Variants in ARHGEF38 observed in about 807,000 individuals in gnomAD.
ARHGEF38 encodes the protein Rho guanine nucleotide exchange factor 38, also known as Rho guanine nucleotide exchange factor (GEF) 38.
Under a neutral mutation model 79.9 loss-of-function variants are expected in ARHGEF38, and 79 were observed. The ratio of observed to expected loss-of-function variants is 0.99; its 90% CI spans 0.82 to 1.19. ARHGEF38 has a LOEUF of 1.19. ARHGEF38 is among the 50% of genes most tolerant of loss of function. The probability of loss-of-function intolerance (pLI) is 0.00; values close to 1 mark genes in which losing one functional copy is unlikely to be tolerated. For synonymous variants in ARHGEF38, 366 were observed against 328.3 expected (o/e 1.11, Z -1.24); for missense variants, 962 against 907.2 (o/e 1.06, Z -0.78).
At chr4:105,576,061 A>C (rs1381530277) in intron 1 of ARHGEF38, among the ~76,000 whole-genome samples, 2 of 152,168 alleles carry the variant, frequency 1.3e-5, no homozygotes, top group Non-Finnish European at 1.5e-5. Flanking sequence ...CTTGTAGTAT[A>C]ACTTAAAGTC....
chr4:105,657,828 T>A (rs1198252164), intron 9 of ARHGEF38, among the ~76,000 whole-genome samples: 7 of 152,146 alleles, frequency 4.6e-5, no homozygotes, highest in Non-Finnish European at 1.0e-4. Context: ...TTCCCATGAG[T>A]TCAGACCAAC....
intron 5 of ARHGEF38, 55 bp downstream of exon 5, chr4:105,636,475 G>C (rs1560737450): frequency 3.2e-6 from 1 of 314,080 alleles, no homozygotes; most frequent in South Asian, 6.9e-5. Flanking sequence ...AGAAAATGCA[G>C]CTGACTGTTC....
intron 1 of ARHGEF38, among the ~76,000 whole-genome samples, chr4:105,574,868 T>C (rs1373127359): frequency 6.6e-6 from 1 of 152,046 alleles, no homozygotes; most frequent in Admixed American, 6.6e-5. Flanking sequence ...GTATCCCATA[T>C]AGAATAATGG....
intron 2 of ARHGEF38, among the ~76,000 whole-genome samples, chr4:105,597,853 A>G (rs1727650826): frequency 6.6e-6 from 1 of 152,116 alleles, no homozygotes; most frequent in Non-Finnish European, 1.5e-5. Flanking sequence ...GTTAATTCAA[A>G]ATAAGAACTT....
At chr4:105,568,905 TG>T (rs1417299130) in intron 1 of ARHGEF38, among the ~76,000 whole-genome samples, 1 of 152,220 alleles carries the variant, frequency 6.6e-6, no homozygotes. Flanking sequence ...GGGCAAGTGC[TG>T]TTAAGTAAGG....
intron 9 of ARHGEF38, among the ~76,000 whole-genome samples, chr4:105,657,062 T>C (rs1406212613): frequency 6.6e-6 from 1 of 152,114 alleles, no homozygotes; most frequent in Non-Finnish European, 1.5e-5. Context: ...GATAGATAGA[T>C]AGATAGATAG....
intron 1 of ARHGEF38, among the ~76,000 whole-genome samples, chr4:105,565,407 C>T (rs1025619076): frequency 3.3e-5 from 5 of 152,136 alleles, no homozygotes; most frequent in Non-Finnish European, 2.9e-5. Flanking sequence ...CTGTGTGAAA[C>T]GTATGTTGGT....
At chr4:105,662,606 C>T (rs1402269767) in intron 10 of ARHGEF38, among the ~76,000 whole-genome samples, 7 of 151,954 alleles carry the variant, frequency 4.6e-5, no homozygotes, top group Non-Finnish European at 8.8e-5. Context: ...TTAATTTTAT[C>T]TTTTTCCAAA....
Position 105,613,374 on chromosome 4 carries a change from G to A in ARHGEF38, c.385-10G>A, listed in dbSNP as rs56665838. On this transcript the variant is annotated splice_polypyrimidine_tract_variant and intron_variant, in intron 2 of 13. Coordinates refer to ENST00000420470, the MANE Select transcript of ARHGEF38 (RefSeq NM_001242729.2). Reference sequence around the variant, plus strand: ...CTTCTCCATCAGCTCAATGTTTTTTGTTTCTTCAGACTGATAGGCTGGATG... The same window carrying A: ...CTTCTCCATCAGCTCAATGTTTTTTATTTCTTCAGACTGATAGGCTGGATG... 2 of 1,609,368 alleles carry A rather than the reference G, an allele frequency of 1.2e-6. No individual in the cohort carries two copies. The highest frequency in any genetic ancestry group is 1.7e-5 in the Admixed American group (1 of 59,368).
At chr4:105,569,230 G>A (rs192285679) in intron 1 of ARHGEF38, among the ~76,000 whole-genome samples, 30 of 152,262 alleles carry the variant, frequency 2.0e-4, no homozygotes, top group African/African-American at 7.0e-4. Context: ...TAGCTTTGGG[G>A]TAAATGATTC....
chr4:105,607,497 A>G (rs1728101205), intron 2 of ARHGEF38, among the ~76,000 whole-genome samples: 1 of 151,930 alleles, frequency 6.6e-6, no homozygotes, highest in Non-Finnish European at 1.5e-5. Flanking sequence ...TGTTAGACAC[A>G]GTAGAGTACT....
chr4:105,680,357 A>C lies in ARHGEF38; in HGVS notation c.*2420A>C, dbSNP rs1029976594. ...TGTTAGCACACTTGCTTATCTGTCC[A>C]TTCATTCATTGAACCAGTAAGTATT... On this transcript the variant is annotated 3_prime_UTR_variant, in exon 14 of 14. Transcript: ENST00000420470. 1.2e-5 allele frequency: 3 copies of C among 249,252 alleles called. No individual in the cohort carries two copies. The highest frequency in any genetic ancestry group is 2.2e-5 in the African/African-American group (1 of 44,742). 15.4% of individuals were successfully genotyped at this position (249,252 alleles called of 1,614,324 possible).
At chr4:105,641,939 T>G (rs1729635478) in intron 5 of ARHGEF38, among the ~76,000 whole-genome samples, 1 of 152,152 alleles carries the variant, frequency 6.6e-6, no homozygotes, top group Non-Finnish European at 1.5e-5. Context: ...TGCCAAAGTA[T>G]TTATGATAAG....
chr4:105,557,944 A>G (rs1725329123), intron 1 of ARHGEF38, among the ~76,000 whole-genome samples: 1 of 152,176 alleles, frequency 6.6e-6, no homozygotes, highest in Non-Finnish European at 1.5e-5. Flanking sequence ...TGAAAAGGTG[A>G]GAATACATGG....
intron 1 of ARHGEF38, among the ~76,000 whole-genome samples, chr4:105,559,902 CTG>C (rs1347327987): frequency 2.0e-5 from 3 of 152,116 alleles, no homozygotes; most frequent in Non-Finnish European, 4.4e-5. Flanking sequence ...GTCACACACA[CTG>C]TTACTGAATC....
rs576909388 is a variant in ARHGEF38 at position 105,666,367 on chromosome 4, C to T, written c.1689+47C>T. The T allele has an allele frequency of 2.7e-4, 397 of 1,463,084 alleles. 4 individuals carry two copies. In the South Asian group the frequency reaches 5.2e-3, roughly 19 times the overall value. 90.6% of individuals were successfully genotyped at this position (1,463,084 alleles called of 1,614,324 possible). ...ACAATGATAACTTTCACCTCTTTGC[C>T]TTATCCAAGTTGTAGTATCATATTA... On this transcript the variant is annotated intron_variant, in intron 11 of 13. Transcript: ENST00000420470.
At chr4:105,613,076 T>C (rs1728363770) in intron 2 of ARHGEF38, among the ~76,000 whole-genome samples, 1 of 152,190 alleles carries the variant, frequency 6.6e-6, no homozygotes, top group East Asian at 1.9e-4. Flanking sequence ...CACTAGTACA[T>C]ATCCTCATAG....
chr4:105,611,763 A>T (rs998557746), intron 2 of ARHGEF38, among the ~76,000 whole-genome samples: 1 of 152,106 alleles, frequency 6.6e-6, no homozygotes, highest in Non-Finnish European at 1.5e-5. Flanking sequence ...GACCTTAAGA[A>T]CTAATAGTGG....
chr4:105,596,679 C>T (rs1348549453), intron 2 of ARHGEF38, among the ~76,000 whole-genome samples: 6 of 152,172 alleles, frequency 3.9e-5, no homozygotes, highest in Non-Finnish European at 7.3e-5. Context: ...TTTTTCATGG[C>T]TCTTCCTTCA....
Sources: allele counts gnomAD v4.1 joint callset (sites outside exome capture counted in the v4.1 genomes callset), GRCh38; gene constraint gnomAD v4.1.1; transcripts MANE v1.5; gene names NCBI Gene and HGNC (gene_info 2026-07-23, HGNC 2026-07-21).